Variants in PPFIA2 observed in about 807,000 individuals in gnomAD.
PPFIA2 encodes PPFI scaffold protein A2, also known as liprin-alpha-2.
PPFIA2 carries 46 observed loss-of-function variants against 175.5 expected under a neutral mutation model. The observed-to-expected ratio is 0.26, with a 90% CI of 0.21 to 0.34. The LOEUF is 0.34. Among genes scored for constraint, PPFIA2 ranks in the 10% least tolerant of loss-of-function variants. The pLI, the probability that PPFIA2 is intolerant of heterozygous loss-of-function variation, is 1.00. For synonymous variants in PPFIA2, 568 were observed against 511.4 expected, an observed-to-expected ratio of 1.11 and a Z score of -1.49; for missense variants, 1,179 against 1,506.1, an observed-to-expected ratio of 0.78 and a Z score of 3.60.
chr12:81,353,575 T>A (rs1408723337), intron 16 of PPFIA2, among the ~76,000 whole-genome samples: 2 of 152,192 alleles, frequency 1.3e-5, no homozygotes, highest in African/African-American at 4.8e-5. Context: ...GATGATAAAC[T>A]TCTATATGTT....
At chr12:81,365,709 C>T (rs990549325) in intron 14 of PPFIA2, among the ~76,000 whole-genome samples, 1 of 151,640 alleles carries the variant, frequency 6.6e-6, no homozygotes, top group Non-Finnish European at 1.5e-5. Flanking sequence ...TCATATATGT[C>T]TTTAAGAGGC....
At chr12:81,421,637 C>T (rs959002947) in intron 7 of PPFIA2, among the ~76,000 whole-genome samples, 2 of 151,810 alleles carry the variant, frequency 1.3e-5, no homozygotes, top group Non-Finnish European at 2.9e-5. Context: ...AAATCAATGG[C>T]AAAATGTATA....
intron 22 of PPFIA2, chr12:81,312,191 C>A: frequency 6.5e-7 from 1 of 1,532,582 alleles, no homozygotes; most frequent in Non-Finnish European, 8.7e-7. Flanking sequence ...TGGAGAAGGA[C>A]GGATGGAAAA....
chr12:81,445,190 TAAAG>T (rs1289418979), intron 6 of PPFIA2, among the ~76,000 whole-genome samples: 3 of 99,574 alleles, frequency 3.0e-5, no homozygotes, highest in African/African-American at 1.3e-4. Context: ...TTGGAATCTA[TAAAG>T]AAAGACCAAG....
chr12:81,451,896 C>A (rs978342433), intron 5 of PPFIA2, among the ~76,000 whole-genome samples: 3 of 152,104 alleles, frequency 2.0e-5, no homozygotes, highest in African/African-American at 7.2e-5. Flanking sequence ...ATACCATTAA[C>A]AATCTACTAA....
chr12:81,538,357 A>T (rs920809572), intron 4 of PPFIA2, among the ~76,000 whole-genome samples: 12 of 151,962 alleles, frequency 7.9e-5, no homozygotes, highest in Admixed American at 6.6e-4. Context: ...GGTGTCAGAC[A>T]GTATTCTTAA....
chr12:81,384,117 C>T lies in PPFIA2; in HGVS notation c.890G>A (p.Arg297Gln), dbSNP rs762301756. The T allele has an allele frequency of 8.1e-6, 13 of 1,613,040 alleles. No individual in the cohort carries two copies. The highest frequency in any genetic ancestry group is 8.0e-5 in the African/African-American group (6 of 74,854). ...MKERLAALSS[R>Q]VGEVEQEAET... ...TGCTTCCTGTTCCACCTCTCCCACT[C>T]GGGAAGAAAGGGCTGCTAAACGTTC... The change falls in exon 9 of 33, where the codon CGA (arginine) becomes CAA (glutamine). Residue 297 changes from arginine to glutamine, a missense_variant. Transcript: ENST00000549396.
At chr12:81,531,505 C>A (rs2064556231) in intron 4 of PPFIA2, among the ~76,000 whole-genome samples, 1 of 151,270 alleles carries the variant, frequency 6.6e-6, no homozygotes, top group Admixed American at 6.6e-5. Context: ...ATGAAGAATC[C>A]CCTAGGCTAT....
chr12:81,574,216 C>A (rs2073089980), intron 4 of PPFIA2, among the ~76,000 whole-genome samples: 1 of 151,838 alleles, frequency 6.6e-6, no homozygotes, highest in Non-Finnish European at 1.5e-5. Flanking sequence ...CCACTCCTTA[C>A]CATCTGTCAA....
intron 3 of PPFIA2, among the ~76,000 whole-genome samples, chr12:81,744,268 T>C (rs770069961): frequency 2.6e-5 from 4 of 152,140 alleles, no homozygotes; most frequent in Admixed American, 6.5e-5. Flanking sequence ...AAGGTAAATT[T>C]ATAGTATCAT....
chr12:81,480,357 G>A (rs2058059687), intron 4 of PPFIA2, among the ~76,000 whole-genome samples: 1 of 151,884 alleles, frequency 6.6e-6, no homozygotes, highest in Admixed American at 6.6e-5. Flanking sequence ...GTTGGAACAT[G>A]ATGCTTTATC....
chr12:81,527,347 T>C (rs1436031902), intron 4 of PPFIA2, among the ~76,000 whole-genome samples: 1 of 145,462 alleles, frequency 6.9e-6, no homozygotes, highest in African/African-American at 2.6e-5. Context: ...TTACTCCTAC[T>C]ATATACACCC....
Position 81,339,235 on chromosome 12 carries a change from C to T in PPFIA2, c.2493G>A (p.Lys831=), listed in dbSNP as rs2057638124. 1.9e-6 allele frequency: 3 copies of T among 1,610,366 alleles called. No individual in the cohort carries two copies. The highest frequency in any genetic ancestry group is 1.7e-5 in the Admixed American group (1 of 59,530). Residue 831 remains lysine (K), a synonymous_variant, in exon 21 of 33, where the codon AAG becomes AAA. Coordinates refer to ENST00000549396, the MANE Select transcript of PPFIA2 (RefSeq NM_003625.5). ...LHKAPKKKGI[K]SSIGRLFGKK... Reference sequence around the variant, plus strand: ...TACCAAACAAACGTCCTATTGAAGACTTGATTCCTTTCTTCTTGGGGGCTT... The same window carrying T: ...TACCAAACAAACGTCCTATTGAAGATTTGATTCCTTTCTTCTTGGGGGCTT...
At chr12:81,584,871 T>A (rs1396799544) in intron 4 of PPFIA2, among the ~76,000 whole-genome samples, 5 of 113,922 alleles carry the variant, frequency 4.4e-5, no homozygotes, top group South Asian at 5.0e-4. Context: ...ATAATTATAT[T>A]ATATAATTAT....
At chr12:81,662,998 A>G (rs907429290) in intron 4 of PPFIA2, among the ~76,000 whole-genome samples, 2 of 152,256 alleles carry the variant, frequency 1.3e-5, no homozygotes, top group African/African-American at 4.8e-5. Context: ...GACAAAATTC[A>G]ACAGCCCTTC....
chr12:81,650,012 G>GT (rs869100881), intron 4 of PPFIA2, among the ~76,000 whole-genome samples: 3,052 of 147,386 alleles, frequency 0.021, 51 homozygotes, highest in African/African-American at 0.047. Flanking sequence ...TTTTGTTTTT[G>GT]TTTTTTTTTT....
At chr12:81,568,584 G>A (rs984371111) in intron 4 of PPFIA2, among the ~76,000 whole-genome samples, 4 of 152,192 alleles carry the variant, frequency 2.6e-5, no homozygotes, top group Non-Finnish European at 5.9e-5. Flanking sequence ...CTTTCAGCGT[G>A]TCCTCTCAGG....
rs573343081 is a variant in PPFIA2, at chr12:81,353,144, A to G, written c.1969T>C (p.Leu657=). 51 of 1,613,790 alleles carry G rather than the reference A, an allele frequency of 3.2e-5. 1 individual carries two copies. The highest frequency in any genetic ancestry group is 2.3e-4 in the South Asian group (21 of 91,082). Residue 657 remains leucine (L), a synonymous_variant, in exon 17 of 33, where the codon TTG becomes CTG. Coordinates refer to ENST00000549396, the MANE Select transcript of PPFIA2 (RefSeq NM_003625.5). ...CTGATTTCTTTGTTGATGGCATCCA[A>G]TTGTTCCTGAAGCATCATGGCTAGC... ...QTLAMMLQEQ[L]DAINKEIRLI... is the part of the protein sequence containing the mutation.
At chr12:81,352,972 A>C in intron 17 of PPFIA2, 147 bp downstream of exon 17, 4 of 648,806 alleles carry the variant, frequency 6.2e-6, no homozygotes, top group Non-Finnish European at 1.1e-5. Context: ...ACACATTCTG[A>C]TTCAGTGTGT....
Sources: gnomAD v4.1 joint callset for allele counts (sites outside exome capture counted in the v4.1 genomes callset) on GRCh38, gnomAD v4.1.1 for gene constraint, MANE v1.5 for transcripts, NCBI Gene and HGNC (gene_info 2026-07-23, HGNC 2026-07-21) for gene names.